The following CAB39 variants were observed in gnomAD, a reference collection of about 807,000 sequenced individuals.
The protein encoded by CAB39 is calcium binding protein 39.
A neutral mutation model predicts 40.0 loss-of-function variants in CAB39; 8 were observed. The ratio of observed to expected loss-of-function variants is 0.20; its 90% CI spans 0.12 to 0.36. CAB39 has a LOEUF of 0.36. Ranked by LOEUF, CAB39 falls within the 10% of genes least tolerant of loss-of-function variation. The pLI is 1.00. For synonymous variants in CAB39, 156 were observed against 141.6 expected (o/e 1.10, Z -0.72); for missense variants, 270 against 401.1 (o/e 0.67, Z 2.79).
In CAB39 at chr2:230,773,312, A is replaced by ATGTGTGTGTGTGTGTG. The variant is rs1321034177; in HGVS notation, c.114+13198_114+13199insGTGTGTGTGTGTGTGT. On this transcript the variant is annotated intron_variant, in intron 2 of 8. Coordinates refer to ENST00000258418, the MANE Select transcript of CAB39 (RefSeq NM_016289.4). Reference sequence around the variant, plus strand: ...TGGGTGTATGTGTATATATATATATATATGTGTGTGTGTGTGTGTGTGTGT... The same window carrying ATGTGTGTGTGTGTGTG: ...TGGGTGTATGTGTATATATATATATATGTGTGTGTGTGTGTGTATGTGTGTGTGTGTGTGTGTGTGT... Among the ~76,000 whole-genome samples, 621 of 85,034 alleles carry ATGTGTGTGTGTGTGTG rather than the reference A, an allele frequency of 7.3e-3. 3 individuals are homozygous for ATGTGTGTGTGTGTGTG. Among genetic ancestry groups the ATGTGTGTGTGTGTGTG allele is most frequent in the Non-Finnish European group, 9.6e-3 (414 of 43,282 alleles). The allele number at this position is 85,034 out of a possible 152,430, so 55.8% of individuals were successfully genotyped here. A position where few individuals can be genotyped will look rare whatever the true frequency, so the allele number is the denominator to read the frequency against.
chr2:230,798,792 A>G lies in CAB39; in HGVS notation c.462A>G (p.Glu154=). The G allele has an allele frequency of 1.2e-6, 2 of 1,611,134 alleles. No individual in the cohort carries two copies. Among genetic ancestry groups the G allele is most frequent in the Non-Finnish European group, 1.7e-6 (2 of 1,178,642 alleles). ...TGTTAAGAGAATGCATCAGACATGA[A>G]CCACTTGCAAAAATCATTTTGTGGT... The part of the protein sequence containing the change: ...GIMLRECIRH[E]PLAKIILWSE... Residue 154 remains glutamate (E), a synonymous_variant, in exon 5 of 9, where the codon GAA becomes GAG. Coordinates refer to ENST00000258418, the MANE Select transcript of CAB39 (RefSeq NM_016289.4).
chr2:230,725,452 G>T, intron 1 of CAB39: 1 of 1,439,622 alleles, frequency 6.9e-7, no homozygotes, highest in Non-Finnish European at 9.7e-7. Context: ...GGTTCCTCCC[G>T]CCACCCGGCC....
chr2:230,804,466 G>A (rs764452781), intron 5 of CAB39, among the ~76,000 whole-genome samples: 1 of 152,188 alleles, frequency 6.6e-6, no homozygotes, highest in Non-Finnish European at 1.5e-5. Flanking sequence ...GCACCCTACA[G>A]AATGGGAGAA....
At chr2:230,778,987 A>T (rs1377958863) in intron 2 of CAB39, 2 of 152,090 alleles carry the variant, frequency 1.3e-5, no homozygotes, top group Non-Finnish European at 2.9e-5. Context: ...CTATGTCCTC[A>T]CCCTGGGAGG....
At chr2:230,791,968 G>A (rs1695899816) in intron 3 of CAB39, among the ~76,000 whole-genome samples, 1 of 152,216 alleles carries the variant, frequency 6.6e-6, no homozygotes, top group African/African-American at 2.4e-5. Flanking sequence ...GCCTGAGTGA[G>A]TGGATGTCTG....
intron 1 of CAB39, among the ~76,000 whole-genome samples, chr2:230,753,464 C>T (rs951126676): frequency 1.3e-5 from 2 of 152,106 alleles, no homozygotes; most frequent in East Asian, 1.9e-4. Context: ...TTATTATAAA[C>T]CATTTTTTGG....
At position 230,805,478 on chromosome 2, in the gene CAB39, G is replaced by A. The variant is rs572503815; in HGVS notation, c.568-4785G>A. Among the ~76,000 whole-genome samples, 5 of 152,274 alleles carry A rather than the reference G, an allele frequency of 3.3e-5. No homozygotes were observed. In the South Asian group the frequency reaches 1.0e-3, roughly 32 times the overall value. On this transcript the variant is annotated intron_variant, in intron 5 of 8. Transcript: ENST00000258418. ...ACAGCCATCATGGATTCACTAAGAG[G>A]AAGTTCAGTCATATTGATCTCATAG...
chr2:230,761,888 TTTG>T (rs55722046), intron 2 of CAB39, among the ~76,000 whole-genome samples: 7,640 of 149,898 alleles, frequency 0.051, 468 homozygotes, highest in African/African-American at 0.14. Context: ...TTGTTTTTTA[TTTG>T]TTGTTGTTGT....
At chr2:230,784,965 A>T (rs537146852) in intron 2 of CAB39, among the ~76,000 whole-genome samples, 1 of 152,282 alleles carries the variant, frequency 6.6e-6, no homozygotes, top group South Asian at 2.1e-4. Context: ...AAACTTTCTT[A>T]AATAGGTAAG....
intron 1 of CAB39, among the ~76,000 whole-genome samples, chr2:230,726,715 A>T (rs1394358405): frequency 6.6e-6 from 1 of 151,890 alleles, no homozygotes; most frequent in Non-Finnish European, 1.5e-5. Flanking sequence ...GTTCTTTAAG[A>T]TTGTTGCTAA....
chr2:230,805,386 A>C (rs1374372601), intron 5 of CAB39, among the ~76,000 whole-genome samples: 1 of 152,026 alleles, frequency 6.6e-6, no homozygotes, highest in Non-Finnish European at 1.5e-5. Context: ...GTACCCTAGA[A>C]CTTAAAGTAT....
intron 1 of CAB39, chr2:230,752,286 A>C (rs1695104176): frequency 6.6e-6 from 1 of 152,140 alleles, no homozygotes; most frequent in African/African-American, 2.4e-5. Flanking sequence ...TAAATGTCCC[A>C]ATCATAGACA....
intron 4 of CAB39, among the ~76,000 whole-genome samples, chr2:230,796,936 G>A (rs1315076540): frequency 6.6e-6 from 1 of 152,192 alleles, no homozygotes; most frequent in Non-Finnish European, 1.5e-5. Flanking sequence ...GTGGCAGGTT[G>A]GGAGGTGACA....
At chr2:230,813,285 C>T (rs1212266784) in intron 6 of CAB39, among the ~76,000 whole-genome samples, 1 of 152,204 alleles carries the variant, frequency 6.6e-6, no homozygotes, top group Non-Finnish European at 1.5e-5. Flanking sequence ...GGCTTCTAGC[C>T]TTCACCATCC....
intron 2 of CAB39, among the ~76,000 whole-genome samples, chr2:230,778,842 A>T (rs573777845): frequency 6.6e-6 from 1 of 152,276 alleles, no homozygotes; most frequent in African/African-American, 2.4e-5. Context: ...AGGCAGTTGG[A>T]ACACAATGGC....
At chr2:230,762,567 ATGTCTGC>A (rs1318535765) in intron 2 of CAB39, among the ~76,000 whole-genome samples, 3 of 152,232 alleles carry the variant, frequency 2.0e-5, no homozygotes, top group Non-Finnish European at 4.4e-5. Context: ...GACATGATAC[ATGTCTGC>A]TGGAACTGCC....
At chr2:230,742,126 A>C (rs941596989) in intron 1 of CAB39, among the ~76,000 whole-genome samples, 2 of 152,052 alleles carry the variant, frequency 1.3e-5, no homozygotes, top group African/African-American at 4.8e-5. Context: ...CTAAATAAAA[A>C]GATTTACAGA....
At chr2:230,757,070 T>A (rs1478872408) in intron 1 of CAB39, among the ~76,000 whole-genome samples, 1 of 152,220 alleles carries the variant, frequency 6.6e-6, no homozygotes, top group Non-Finnish European at 1.5e-5. Flanking sequence ...CTGAGGAATG[T>A]CACTTCTTGT....
intron 1 of CAB39, among the ~76,000 whole-genome samples, chr2:230,714,389 C>T (rs992005597): frequency 6.6e-6 from 1 of 152,138 alleles, no homozygotes; most frequent in African/African-American, 2.4e-5. Context: ...CCCAGATAAT[C>T]AAGTAAATCC....
Sources: gnomAD v4.1 joint callset for allele counts (sites outside exome capture counted in the v4.1 genomes callset) on GRCh38, gnomAD v4.1.1 for gene constraint, MANE v1.5 for transcripts, NCBI Gene and HGNC (gene_info 2026-07-23, HGNC 2026-07-21) for gene names.